Variants in CACNA1D observed in about 807,000 individuals in gnomAD.
CACNA1D encodes the protein voltage-dependent L-type calcium channel subunit alpha-1D.
In CACNA1D, 55 loss-of-function variants were observed where a neutral mutation model predicts 257.1. The observed-to-expected ratio is 0.21, with a 90% CI of 0.17 to 0.27. The LOEUF is 0.27. CACNA1D is among the 10% of genes least tolerant of loss of function. CACNA1D has a pLI of 1.00. For missense variants in CACNA1D, 1,876 were observed against 2,784.0 expected (o/e 0.67, Z 7.34); for synonymous variants, 980 against 1,014.9 (o/e 0.97, Z 0.65).
At chr3:53,662,160 A>G (rs1162906364) in intron 5 of CACNA1D, among the ~76,000 whole-genome samples, 3 of 152,236 alleles carry the variant, frequency 2.0e-5, no homozygotes, top group Non-Finnish European at 4.4e-5. Context: ...TCCCTGCTAA[A>G]GAGAATCCAG....
At chr3:53,626,245 G>T (rs2093757465) in intron 3 of CACNA1D, among the ~76,000 whole-genome samples, 3 of 152,188 alleles carry the variant, frequency 2.0e-5, no homozygotes, top group Admixed American at 2.0e-4. Flanking sequence ...AGAGGAGGGG[G>T]TGAATGTCAG....
intron 3 of CACNA1D, among the ~76,000 whole-genome samples, chr3:53,604,920 C>T (rs911081636): frequency 1.3e-5 from 2 of 152,098 alleles, no homozygotes; most frequent in African/African-American, 2.4e-5. Flanking sequence ...TGACAGTATC[C>T]GTAGTGGGTT....
chr3:53,495,527 G>A lies in CACNA1D; in HGVS notation c.67+294G>A, dbSNP rs939480618. Among the ~76,000 whole-genome samples, 4 of 152,064 alleles carry A rather than the reference G, an allele frequency of 2.6e-5. No individual in the cohort carries two copies. Among genetic ancestry groups the A allele is most frequent in the African/African-American group, 9.7e-5 (4 of 41,406 alleles). On this transcript the variant is annotated intron_variant, in intron 1 of 47. Transcript: ENST00000350061. The surrounding 1 kb of genome is among the most constrained non-coding windows in gnomAD (Gnocchi z 5.1). ...GGGGTGATTCGGGTTCAGTGTCCTC[G>A]GGCTCAACTTTCCTTCAACGCCCCC...
intron 3 of CACNA1D, among the ~76,000 whole-genome samples, chr3:53,517,424 T>G (rs139714058): frequency 2.7e-3 from 409 of 151,904 alleles, no homozygotes; most frequent in Non-Finnish European, 4.8e-3. Context: ...GACAGGACCC[T>G]CCCTCCTTCC....
At chr3:53,570,807 A>G (rs1410502171) in intron 3 of CACNA1D, among the ~76,000 whole-genome samples, 1 of 152,390 alleles carries the variant, frequency 6.6e-6, no homozygotes. Context: ...TAAGTACTGT[A>G]ATTTCAAAGA....
intron 3 of CACNA1D, among the ~76,000 whole-genome samples, chr3:53,540,606 A>T (rs922018364): frequency 6.6e-6 from 1 of 151,234 alleles, no homozygotes; most frequent in Admixed American, 6.6e-5. Flanking sequence ...AATTTCCTTT[A>T]AAAAAAATTG....
intron 3 of CACNA1D, among the ~76,000 whole-genome samples, chr3:53,649,895 A>G (rs893851931): frequency 4.6e-5 from 7 of 152,228 alleles, no homozygotes; most frequent in African/African-American, 1.4e-4. Context: ...TAAAGAAAAC[A>G]TTTGTAAAAG....
chr3:53,540,069 T>G (rs911147016), intron 3 of CACNA1D, among the ~76,000 whole-genome samples: 4 of 152,056 alleles, frequency 2.6e-5, no homozygotes, highest in African/African-American at 9.7e-5. Flanking sequence ...TGTCTTTTGA[T>G]GAACACATTC....
At chr3:53,732,540 A>G (rs561754751) in intron 18 of CACNA1D, among the ~76,000 whole-genome samples, 1 of 152,132 alleles carries the variant, frequency 6.6e-6, no homozygotes, top group Non-Finnish European at 1.5e-5. Context: ...GAATCTCAGC[A>G]CTGCCACCTT....
intron 11 of CACNA1D, among the ~76,000 whole-genome samples, chr3:53,721,709 G>T (rs986342671): frequency 6.6e-6 from 1 of 152,122 alleles, no homozygotes; most frequent in Non-Finnish European, 1.5e-5. Flanking sequence ...GGCACCTGAT[G>T]ACTCAGTATG....
intron 3 of CACNA1D, among the ~76,000 whole-genome samples, chr3:53,508,790 C>T (rs553137577): frequency 7.9e-4 from 120 of 152,244 alleles, no homozygotes; most frequent in African/African-American, 2.4e-3. Flanking sequence ...ATACCAGTGG[C>T]GGTGGGGACA....
intron 15 of CACNA1D, among the ~76,000 whole-genome samples, chr3:53,727,621 G>C (rs914618319): frequency 1.3e-5 from 2 of 151,822 alleles, no homozygotes; most frequent in Admixed American, 1.3e-4. Context: ...ACCTCATTCA[G>C]ACCCTTCCTG....
At chr3:53,584,638 C>A (rs2093184555) in intron 3 of CACNA1D, among the ~76,000 whole-genome samples, 1 of 152,194 alleles carries the variant, frequency 6.6e-6, no homozygotes. Flanking sequence ...CTTATGGTCC[C>A]ATTTGTGTTG....
chr3:53,545,094 T>C (rs892258723), intron 3 of CACNA1D, among the ~76,000 whole-genome samples: 1 of 152,212 alleles, frequency 6.6e-6, no homozygotes, highest in Non-Finnish European at 1.5e-5. Flanking sequence ...GCCATGAGGC[T>C]TTTTTGGCAA....
intron 10 of CACNA1D, 130 bp downstream of exon 10, chr3:53,718,518 CG>C: frequency 9.6e-7 from 1 of 1,046,596 alleles, no homozygotes; most frequent in Non-Finnish European, 1.4e-6. Context: ...GAAGGCTCCT[CG>C]TACCCCACGC....
At chr3:53,654,428 G>A (rs1047259529) in intron 4 of CACNA1D, among the ~76,000 whole-genome samples, 3 of 152,150 alleles carry the variant, frequency 2.0e-5, no homozygotes, top group African/African-American at 7.2e-5. Flanking sequence ...ATAGGAACAG[G>A]GAAATAGCCA....
chr3:53,567,182 G>T (rs1301294230), intron 3 of CACNA1D, among the ~76,000 whole-genome samples: 15 of 152,136 alleles, frequency 9.9e-5, no homozygotes. Flanking sequence ...CCAGAGGCAT[G>T]GTACCCCAAC....
At chr3:53,623,655 C>T (rs1036544067) in intron 3 of CACNA1D, among the ~76,000 whole-genome samples, 1 of 152,178 alleles carries the variant, frequency 6.6e-6, no homozygotes, top group African/African-American at 2.4e-5. Flanking sequence ...CTTTAAAATT[C>T]CATTAAAACC....
In CACNA1D at chr3:53,606,540, C is replaced by T. The variant is rs376828053; in HGVS notation, c.484-44239C>T. 2.7e-3 allele frequency among the ~76,000 whole-genome samples: 410 copies of T among 152,284 alleles called. 4 individuals carry two copies. Among genetic ancestry groups the T allele is most frequent in the African/African-American group, 9.5e-3 (393 of 41,558 alleles). On this transcript the variant is annotated intron_variant, in intron 3 of 47. Coordinates refer to ENST00000350061, the MANE Select transcript of CACNA1D (RefSeq NM_001128840.3). ...GAAAAGACTTGGAAATGACAGGCACCTAGAATCTGAGTCAAGGGTACAGTG... is the reference window on the plus strand; with the variant it reads ...GAAAAGACTTGGAAATGACAGGCACTTAGAATCTGAGTCAAGGGTACAGTG...
Sources: gnomAD v4.1 joint callset for allele counts (sites outside exome capture counted in the v4.1 genomes callset) on GRCh38, gnomAD v4.1.1 for gene constraint, Gnocchi (gnomAD v3.1) non-coding constraint, MANE v1.5 for transcripts, NCBI Gene and HGNC (gene_info 2026-07-23, HGNC 2026-07-21) for gene names.